Variants in KAT2B observed in about 807,000 individuals in gnomAD.
The protein encoded by KAT2B is histone acetyltransferase KAT2B.
KAT2B carries 36 observed loss-of-function variants against 105.9 expected under a neutral mutation model. That is an observed-to-expected ratio of 0.34 (90% CI 0.26 to 0.45). KAT2B has a LOEUF of 0.45. Ranked by LOEUF, KAT2B falls within the 20% of genes least tolerant of loss-of-function variation. The pLI is 1.00. For synonymous variants in KAT2B, 397 were observed against 377.9 expected (o/e 1.05, Z -0.59); for missense variants, 820 against 1,021.6 (o/e 0.80, Z 2.69).
intron 1 of KAT2B, among the ~76,000 whole-genome samples, chr3:20,062,284 TATA>T (rs1278622170): frequency 0.014 from 771 of 53,672 alleles, 47 homozygotes; most frequent in Non-Finnish European, 0.028. Flanking sequence ...ATATATAAAA[TATA>T]ATATATAATA....
intron 2 of KAT2B, among the ~76,000 whole-genome samples, chr3:20,087,373 A>G (rs1423554250): frequency 6.6e-6 from 1 of 152,078 alleles, no homozygotes. Context: ...TTTCGGTTTT[A>G]TTAAGGTTTA....
chr3:20,129,536 C>T (rs890905075), intron 11 of KAT2B, among the ~76,000 whole-genome samples: 7 of 151,922 alleles, frequency 4.6e-5, no homozygotes, highest in South Asian at 4.2e-4. Context: ...CCACCATGCC[C>T]GGCCAATTTT....
intron 12 of KAT2B, 151 bp from the exon 13 acceptor site, chr3:20,140,070 G>A: frequency 2.1e-6 from 1 of 481,888 alleles, no homozygotes; most frequent in South Asian, 4.7e-5. Context: ...TGAACTTCAT[G>A]GGTGGTTTTA....
At position 20,125,990 on chromosome 3, in the gene KAT2B, G is replaced by T; in HGVS notation, c.1499G>T (p.Gly500Val). The change falls in exon 10 of 18, where the codon GGC becomes GTC. Residue 500 changes from glycine (G) to valine (V), a missense_variant. Gly to Val is a moderately radical substitution (Grantham distance 109, BLOSUM62 -3). Around this residue, in one of 6 missense-constraint regions of KAT2B, gnomAD observed 225 missense variants for 268.1 expected, o/e 0.84. Transcript: ENST00000263754. Reference sequence around the variant, plus strand: ...GGTGTAATTGAATTTCACGTGGTTGGCAATTCCCTCAACCAGAAACCAAAC... The same window carrying T: ...GGTGTAATTGAATTTCACGTGGTTGTCAATTCCCTCAACCAGAAACCAAAC... The part of the protein sequence containing the change: ...RRGVIEFHVV[G>V]NSLNQKPNKK... 2 of 1,614,034 alleles carry T rather than the reference G, an allele frequency of 1.2e-6. No homozygotes were observed. Among genetic ancestry groups the T allele is most frequent in the Non-Finnish European group, 1.7e-6 (2 of 1,179,986 alleles).
intron 11 of KAT2B, among the ~76,000 whole-genome samples, chr3:20,135,307 G>C (rs1344630760): frequency 6.6e-6 from 1 of 152,080 alleles, no homozygotes; most frequent in Non-Finnish European, 1.5e-5. Flanking sequence ...ATTATGCTTG[G>C]TCCTAGGATC....
chr3:20,046,108 C>G (rs1211273285), intron 1 of KAT2B, among the ~76,000 whole-genome samples: 48 of 152,288 alleles, frequency 3.2e-4, no homozygotes, highest in Non-Finnish European at 1.5e-5. Flanking sequence ...CCCCAGAATT[C>G]CTAGAACATA....
At chr3:20,107,005 A>ATG (rs1699026913) in intron 5 of KAT2B, among the ~76,000 whole-genome samples, 6 of 24,328 alleles carry the variant, frequency 2.5e-4, no homozygotes, top group Non-Finnish European at 2.0e-4. Context: ...ATATATATAT[A>ATG]TATATATATA....
At position 20,135,608 on chromosome 3, in the gene KAT2B, C is replaced by G. The variant is rs1300074775; in HGVS notation, c.1750-1334C>G. 3.3e-5 allele frequency among the ~76,000 whole-genome samples: 5 copies of G among 151,278 alleles called. No individual in the cohort carries two copies. The East Asian group carries it at 9.7e-4, about 29-fold the overall frequency. On this transcript the variant is annotated intron_variant, in intron 11 of 17. Coordinates refer to ENST00000263754, the MANE Select transcript of KAT2B (RefSeq NM_003884.5). ...GGCAGAGCTTGCAGTGACCCGAGAT[C>G]GTGCCACTGCACTCCAGCCTGGGTG...
At chr3:20,126,540 A>C (rs1435031771) in intron 10 of KAT2B, among the ~76,000 whole-genome samples, 1 of 151,398 alleles carries the variant, frequency 6.6e-6, no homozygotes, top group East Asian at 1.9e-4. Flanking sequence ...ACAAAAAACT[A>C]GGCCGGGCAT....
At chr3:20,083,869 G>A (rs1199061976) in intron 2 of KAT2B, among the ~76,000 whole-genome samples, 1 of 152,146 alleles carries the variant, frequency 6.6e-6, no homozygotes, top group Admixed American at 6.5e-5. Context: ...GGAGGGCCAT[G>A]AGGAGTTCAG....
chr3:20,063,076 T>C (rs1456898243), intron 1 of KAT2B, among the ~76,000 whole-genome samples: 2 of 152,024 alleles, frequency 1.3e-5, no homozygotes, highest in East Asian at 3.9e-4. Flanking sequence ...GTGTTTTTGT[T>C]ATTTATTTTT....
chr3:20,104,774 C>T (rs777264379), intron 5 of KAT2B, among the ~76,000 whole-genome samples: 8 of 152,136 alleles, frequency 5.3e-5, no homozygotes, highest in Non-Finnish European at 1.2e-4. Flanking sequence ...ACAGAGCTAA[C>T]TTGTAAATAT....
intron 5 of KAT2B, among the ~76,000 whole-genome samples, chr3:20,106,981 A>G (rs1433496635): frequency 0.049 from 305 of 6,204 alleles, no homozygotes; most frequent in Non-Finnish European, 0.061. Flanking sequence ...ATATATATGT[A>G]TATATATATA....
At chr3:20,143,802 G>A (rs1699735379) in intron 13 of KAT2B, among the ~76,000 whole-genome samples, 1 of 152,164 alleles carries the variant, frequency 6.6e-6, no homozygotes, top group Non-Finnish European at 1.5e-5. Context: ...AATACTGCAT[G>A]TTTTCTGTTA....
chr3:20,148,621 C>A, intron 17 of KAT2B, 134 bp downstream of exon 17: 2 of 659,004 alleles, frequency 3.0e-6, no homozygotes, highest in South Asian at 2.1e-5. Context: ...GGATTCCATG[C>A]ACCGTGGCGG....
chr3:20,106,126 A>G (rs1009564640), intron 5 of KAT2B, among the ~76,000 whole-genome samples: 5 of 152,214 alleles, frequency 3.3e-5, no homozygotes, highest in Non-Finnish European at 7.3e-5. Flanking sequence ...GTAGAATGAC[A>G]TGGTCTTCTG....
At chr3:20,080,849 G>A (rs1168508943) in intron 2 of KAT2B, among the ~76,000 whole-genome samples, 2 of 152,142 alleles carry the variant, frequency 1.3e-5, no homozygotes, top group African/African-American at 4.8e-5. Context: ...TAATACTTTG[G>A]TATATATTAG....
At chr3:20,087,179 T>C (rs1698635105) in intron 2 of KAT2B, among the ~76,000 whole-genome samples, 2 of 152,156 alleles carry the variant, frequency 1.3e-5, no homozygotes, top group Admixed American at 6.6e-5. Flanking sequence ...TAATATCTAG[T>C]TTCAAATAGC....
intron 1 of KAT2B, among the ~76,000 whole-genome samples, chr3:20,062,287 A>AT (rs1559514536): frequency 3.6e-4 from 17 of 47,032 alleles, no homozygotes; most frequent in Non-Finnish European, 7.7e-4. Context: ...TATAAAATAT[A>AT]ATATATAATA....
Sources: allele counts gnomAD v4.1 joint callset (sites outside exome capture counted in the v4.1 genomes callset), GRCh38; gene constraint gnomAD v4.1.1; regional missense constraint gnomAD v4.1.1; transcripts MANE v1.5; gene names NCBI Gene and HGNC (gene_info 2026-07-23, HGNC 2026-07-21).